Variants in DHRSX observed in about 807,000 individuals in gnomAD.
DHRSX encodes the protein dehydrogenase/reductase X-linked.
Under a neutral mutation model 34.0 loss-of-function variants are expected in DHRSX, and 31 were observed. That is an observed-to-expected ratio of 0.91 (90% CI 0.69 to 1.23). The LOEUF (loss-of-function observed/expected upper bound fraction) is 1.23, where lower values mean the gene tolerates loss of function less well. DHRSX is among the 50% of genes most tolerant of loss of function. The pLI, the probability that DHRSX is intolerant of heterozygous loss-of-function variation, is 0.00. For synonymous variants in DHRSX, 201 were observed against 183.8 expected, an observed-to-expected ratio of 1.09 and a Z score of -0.76; for missense variants, 414 against 428.1, an observed-to-expected ratio of 0.97 and a Z score of 0.29.
chrX:2,427,713 C>T (rs756986392), intron 1 of DHRSX, among the ~76,000 whole-genome samples: 1 of 152,252 alleles, frequency 6.6e-6, no homozygotes, highest in East Asian at 1.9e-4. Flanking sequence ...GAAAGAAAGA[C>T]TGAGGGAAAA....
chrX:2,244,093 C>T (rs2016222436), intron 5 of DHRSX, among the ~76,000 whole-genome samples: 1 of 151,966 alleles, frequency 6.6e-6, no homozygotes, highest in Non-Finnish European at 1.5e-5. Flanking sequence ...CTTGATGAGT[C>T]TCAAATCATA....
At chrX:2,411,868 G>A (rs1045115489) in intron 2 of DHRSX, among the ~76,000 whole-genome samples, 1 of 152,198 alleles carries the variant, frequency 6.6e-6, no homozygotes, top group African/African-American at 2.4e-5. Flanking sequence ...AAAAAGCCAG[G>A]TGAAGTGATT....
At chrX:2,257,487 A>T (rs964805436) in intron 5 of DHRSX, among the ~76,000 whole-genome samples, 8 of 152,100 alleles carry the variant, frequency 5.3e-5, no homozygotes, top group African/African-American at 1.9e-4. Context: ...AATACAGAAG[A>T]CGCCGGCTGA....
rs1163879913 is a variant in DHRSX at position 2,391,922 on chromosome X, G to A, written c.286+16823C>T. On this transcript the variant is annotated intron_variant, in intron 3 of 6. Coordinates refer to ENST00000334651, the MANE Select transcript of DHRSX (RefSeq NM_145177.3). ...AGCCTGGGTGACAGAGCGAAATTCC[G>A]ACTAAAAGAAAAAAAAAGGAAAGAA... Among the ~76,000 whole-genome samples the A allele has an allele frequency of 4.0e-5, 6 of 151,628 alleles. No homozygotes were observed. In the East Asian group the frequency reaches 5.8e-4, roughly 15 times the overall value.
At chrX:2,298,262 T>C (rs1425022430) in intron 3 of DHRSX, among the ~76,000 whole-genome samples, 3 of 150,558 alleles carry the variant, frequency 2.0e-5, no homozygotes, top group Non-Finnish European at 1.5e-5. Context: ...TAAAGTCTTG[T>C]CCTCCAGACC....
At chrX:2,246,694 A>G (rs1300895439) in intron 5 of DHRSX, among the ~76,000 whole-genome samples, 1 of 126,618 alleles carries the variant, frequency 7.9e-6, no homozygotes, top group African/African-American at 3.2e-5. Flanking sequence ...AAAAGAAAAG[A>G]AAAGAAAGAA....
At chrX:2,485,789 A>AGAAGAAGAGAGAAGGAAG (rs2044895522) in intron 1 of DHRSX, among the ~76,000 whole-genome samples, 1 of 25,726 alleles carries the variant, frequency 3.9e-5, no homozygotes. Context: ...GAAAAGGGAG[A>AGAAGAAGAGAGAAGGAAG]GAAGGGAGAG....
In DHRSX at chrX:2,453,388, T is replaced by A. The variant is rs774540009; in HGVS notation, c.110-28084A>T. ...ATCTCTAAAAAAAAAAAACAAAAAA[T>A]TAGCTGGGTATGGTGGCATGCACCT... On this transcript the variant is annotated intron_variant, in intron 1 of 6. Transcript: ENST00000334651. Among the ~76,000 whole-genome samples the A allele has an allele frequency of 2.6e-5, 4 of 150,944 alleles. No homozygotes were observed. In the East Asian group the frequency reaches 7.8e-4, roughly 29 times the overall value.
At chrX:2,447,619 A>G (rs771586503) in intron 1 of DHRSX, among the ~76,000 whole-genome samples, 1 of 152,168 alleles carries the variant, frequency 6.6e-6, no homozygotes, top group African/African-American at 2.4e-5. Flanking sequence ...TTTCCAAGAT[A>G]TAGAATCAAC....
At chrX:2,237,118 G>A (rs1489160181) in intron 6 of DHRSX, among the ~76,000 whole-genome samples, 5 of 151,936 alleles carry the variant, frequency 3.3e-5, no homozygotes, top group Admixed American at 2.6e-4. Flanking sequence ...CCCAGGAGGC[G>A]GAGGTTGCAG....
At chrX:2,481,889 C>T (rs2044778315) in intron 1 of DHRSX, among the ~76,000 whole-genome samples, 1 of 152,150 alleles carries the variant, frequency 6.6e-6, no homozygotes, top group African/African-American at 2.4e-5. Flanking sequence ...CCCCATGGAA[C>T]TCCAAAAATA....
At chrX:2,361,324 C>T (rs1269025199) in intron 3 of DHRSX, among the ~76,000 whole-genome samples, 2 of 152,096 alleles carry the variant, frequency 1.3e-5, no homozygotes, top group African/African-American at 2.4e-5. Flanking sequence ...TCAGGCTAGT[C>T]TCAAACTCCT....
At chrX:2,232,033 C>CCTCCTCCCTTACTT (rs374747047) in intron 6 of DHRSX, among the ~76,000 whole-genome samples, 118,398 of 144,982 alleles carry the variant, frequency 0.82, 48,186 homozygotes, top group East Asian at 0.95. Flanking sequence ...TCTTCCTTCT[C>CCTCCTCCCTTACTT]CTCCTTTTTC....
At chrX:2,302,715 T>G (rs1174140257) in intron 3 of DHRSX, among the ~76,000 whole-genome samples, 5 of 152,252 alleles carry the variant, frequency 3.3e-5, no homozygotes, top group Non-Finnish European at 7.4e-5. Context: ...CTGCAAGCTG[T>G]CTGTGGTGAG....
rs766468622 is a variant in DHRSX, at chrX:2,488,842, G to C, written c.109+11975C>G. ...GGTTCCTCTTGGCGCTGACCACGTT[G>C]GCGGCGGATCCGAAGAGACGCTCAG... On this transcript the variant is annotated intron_variant, in intron 1 of 6. Coordinates refer to ENST00000334651, the MANE Select transcript of DHRSX (RefSeq NM_145177.3). 6 of 1,613,688 alleles carry C rather than the reference G, an allele frequency of 3.7e-6. No homozygotes were observed. In the African/African-American group the frequency reaches 8.0e-5, roughly 22 times the overall value.
chrX:2,422,317 C>G (rs2043790660), intron 2 of DHRSX, among the ~76,000 whole-genome samples: 1 of 152,138 alleles, frequency 6.6e-6, no homozygotes, highest in African/African-American at 2.4e-5. Flanking sequence ...GGCTGGAGTG[C>G]AGTGGCGCGA....
intron 3 of DHRSX, among the ~76,000 whole-genome samples, chrX:2,344,844 C>T (rs2042681275): frequency 7.5e-6 from 1 of 133,532 alleles, no homozygotes. Context: ...GCACATGTAC[C>T]CCAGAACTTA....
At chrX:2,311,429 T>C (rs887327902) in intron 3 of DHRSX, among the ~76,000 whole-genome samples, 14 of 152,164 alleles carry the variant, frequency 9.2e-5, no homozygotes, top group Non-Finnish European at 1.5e-4. Flanking sequence ...ACAGCTGTCC[T>C]CAGAAACCAC....
intron 3 of DHRSX, among the ~76,000 whole-genome samples, chrX:2,377,677 G>C (rs2043157653): frequency 1.3e-5 from 2 of 152,128 alleles, no homozygotes; most frequent in African/African-American, 2.4e-5. Flanking sequence ...CCTCCGCAAG[G>C]GGCACAGCCC....
Sources: gnomAD v4.1 joint callset for allele counts (sites outside exome capture counted in the v4.1 genomes callset) on GRCh38, gnomAD v4.1.1 for gene constraint, MANE v1.5 for transcripts, NCBI Gene and HGNC (gene_info 2026-07-23, HGNC 2026-07-21) for gene names.